Variants in UTRN observed in about 807,000 individuals in gnomAD.
UTRN encodes the protein dystrophin-related protein 1.
A neutral mutation model predicts 463.9 loss-of-function variants in UTRN; 283 were observed. The observed-to-expected ratio is 0.61, with a 90% confidence interval of 0.55 to 0.67. The LOEUF (loss-of-function observed/expected upper bound fraction) is 0.67. UTRN is among the 30% of genes least tolerant of loss of function. The pLI is 0.00. For missense variants in UTRN, 3,922 were observed against 4,084.3 expected (o/e 0.96, Z 1.08); for synonymous variants, 1,442 against 1,431.5 (o/e 1.01, Z -0.17).
chr6:144,375,418 G>C (rs1429649250), intron 2 of UTRN, among the ~76,000 whole-genome samples: 1 of 152,180 alleles, frequency 6.6e-6, no homozygotes, highest in African/African-American at 2.4e-5. Context: ...ATCTAGCACA[G>C]ATCTAAAAGT....
intron 66 of UTRN, among the ~76,000 whole-genome samples, chr6:144,827,105 A>G (rs1228096042): frequency 2.0e-5 from 3 of 152,068 alleles, no homozygotes; most frequent in Non-Finnish European, 2.9e-5. Flanking sequence ...TGTGTTTGCT[A>G]TCCTTGAACA....
chr6:144,734,492 C>T (rs1346451742), intron 54 of UTRN, among the ~76,000 whole-genome samples: 1 of 152,176 alleles, frequency 6.6e-6, no homozygotes. Flanking sequence ...CACCCTGAGT[C>T]CATTCTTCCA....
At chr6:144,422,461 C>T (rs922283932) in intron 4 of UTRN, among the ~76,000 whole-genome samples, 2 of 152,064 alleles carry the variant, frequency 1.3e-5, no homozygotes, top group Non-Finnish European at 2.9e-5. Flanking sequence ...TACTAAAATA[C>T]AAAAAATTAG....
chr6:144,373,072 T>C (rs914383282), intron 2 of UTRN, among the ~76,000 whole-genome samples: 4 of 152,092 alleles, frequency 2.6e-5, no homozygotes, highest in African/African-American at 9.7e-5. Context: ...CTTGTGAAAA[T>C]GTAAAATAGT....
At chr6:144,391,579 G>T (rs929587589) in intron 2 of UTRN, among the ~76,000 whole-genome samples, 2 of 152,050 alleles carry the variant, frequency 1.3e-5, no homozygotes, top group African/African-American at 4.8e-5. Context: ...ATCATTATTC[G>T]CAAGTAGGCT....
At chr6:144,758,938 T>C (rs932058432) in intron 58 of UTRN, among the ~76,000 whole-genome samples, 7 of 152,098 alleles carry the variant, frequency 4.6e-5, no homozygotes, top group African/African-American at 1.7e-4. Flanking sequence ...ATTTCTAACA[T>C]GGGGTGTGGT....
intron 23 of UTRN, among the ~76,000 whole-genome samples, chr6:144,468,657 A>G (rs146535663): frequency 2.6e-5 from 4 of 152,154 alleles, no homozygotes; most frequent in Non-Finnish European, 5.9e-5. Context: ...GAAGAAAAAA[A>G]TCGTCATTAT....
intron 65 of UTRN, among the ~76,000 whole-genome samples, chr6:144,813,128 G>A (rs1778767542): frequency 6.6e-6 from 1 of 152,098 alleles, no homozygotes; most frequent in South Asian, 2.1e-4. Context: ...GATGGTGGTA[G>A]CATGGCATCA....
intron 52 of UTRN, among the ~76,000 whole-genome samples, chr6:144,694,674 G>T (rs1053641062): frequency 2.0e-5 from 3 of 152,144 alleles, no homozygotes; most frequent in Admixed American, 2.0e-4. Flanking sequence ...TAGTTTATGT[G>T]CATAGAGGTG....
At chr6:144,829,166 T>A (rs948365823) in intron 69 of UTRN, among the ~76,000 whole-genome samples, 3 of 152,178 alleles carry the variant, frequency 2.0e-5, no homozygotes, top group Non-Finnish European at 4.4e-5. Flanking sequence ...CTTATATTTC[T>A]TATTAATTTA....
rs113162494 is a variant in UTRN, at chr6:144,511,030, C to A, written c.4851C>A (p.Gly1617=). The A allele has an allele frequency of 6.2e-7, 1 of 1,613,268 alleles. No individual in the cohort carries two copies. Among genetic ancestry groups the A allele is most frequent in the Non-Finnish European group, 8.5e-7 (1 of 1,179,452 alleles). Residue 1617 remains glycine (G), a synonymous_variant, in exon 35 of 75, where the codon GGC becomes GGA. Transcript: ENST00000367545. The part of the protein sequence containing the change: ...SSAALQNLIE[G]SEPILEERLC... ...CTGCCCTGCAAAACTTGATTGAGGG[C>A]AGTGAGCCTATTTTAGAAGAGAGGC...
At chr6:144,659,179 A>G (rs1274707591) in intron 51 of UTRN, among the ~76,000 whole-genome samples, 1 of 152,226 alleles carries the variant, frequency 6.6e-6, no homozygotes, top group Non-Finnish European at 1.5e-5. Context: ...CAACTGGAAC[A>G]TGGAACCTGT....
At chr6:144,812,991 T>A (rs548931480) in intron 65 of UTRN, among the ~76,000 whole-genome samples, 1 of 152,192 alleles carries the variant, frequency 6.6e-6, no homozygotes, top group East Asian at 1.9e-4. Context: ...GGTTCAGTTC[T>A]AAAATGTTTT....
At chr6:144,538,512 A>C (rs1265725681) in intron 44 of UTRN, among the ~76,000 whole-genome samples, 2 of 36,900 alleles carry the variant, frequency 5.4e-5, no homozygotes, top group Non-Finnish European at 8.6e-5. Context: ...ATAAAAATAC[A>C]AAAAAAAATT....
intron 65 of UTRN, among the ~76,000 whole-genome samples, chr6:144,819,874 G>T (rs974521616): frequency 3.4e-5 from 4 of 117,724 alleles, no homozygotes; most frequent in African/African-American, 1.2e-4. Context: ...CTCCTCCTCC[G>T]CCGCCTCCTC....
intron 26 of UTRN, 47 bp from the exon 27 acceptor site, chr6:144,482,162 G>T: frequency 7.3e-7 from 1 of 1,361,658 alleles, no homozygotes; most frequent in South Asian, 2.2e-5. Flanking sequence ...ATTGGTTACT[G>T]AGAAAGGGAG....
intron 53 of UTRN, among the ~76,000 whole-genome samples, chr6:144,719,737 C>G (rs1786903385): frequency 6.6e-6 from 1 of 152,130 alleles, no homozygotes; most frequent in Non-Finnish European, 1.5e-5. Context: ...AGGGAGGGTC[C>G]AGACCTTGGT....
chr6:144,850,168 T>C (rs1199396725), intron 74 of UTRN, among the ~76,000 whole-genome samples: 1 of 152,218 alleles, frequency 6.6e-6, no homozygotes, highest in Non-Finnish European at 1.5e-5. Flanking sequence ...GAGAATGGGC[T>C]CTAGGCCAGA....
At position 144,461,713 on chromosome 6, in the gene UTRN, C is replaced by T. The variant is rs569253460; in HGVS notation, c.2853+371C>T. 2.6e-5 allele frequency among the ~76,000 whole-genome samples: 4 copies of T among 152,230 alleles called. No homozygotes were observed. The South Asian group carries it at 8.3e-4, about 32-fold the overall frequency. On this transcript the variant is annotated intron_variant, in intron 22 of 74. Transcript: ENST00000367545. Reference sequence around the variant, plus strand: ...GTCATTTAGTTGAGTAGCCTTATGGCTCTGTGCTATTAGATGAAAAGGAGA... The same window carrying T: ...GTCATTTAGTTGAGTAGCCTTATGGTTCTGTGCTATTAGATGAAAAGGAGA...
Sources: gnomAD v4.1 joint callset for allele counts (sites outside exome capture counted in the v4.1 genomes callset) on GRCh38, gnomAD v4.1.1 for gene constraint, MANE v1.5 for transcripts, NCBI Gene and HGNC (gene_info 2026-07-23, HGNC 2026-07-21) for gene names.